The following FLRT2 variants were observed in gnomAD, a reference collection of about 807,000 sequenced individuals.
The protein encoded by FLRT2 is fibronectin leucine rich transmembrane protein 2.
In FLRT2, 15 loss-of-function variants were observed where a neutral mutation model predicts 40.0. That is an observed-to-expected ratio of 0.38 (90% CI 0.25 to 0.58). The LOEUF (loss-of-function observed/expected upper bound fraction) is 0.58. Among genes scored for constraint, FLRT2 ranks in the 20% least tolerant of loss-of-function variants. The pLI, the probability that FLRT2 is intolerant of heterozygous loss-of-function variation, is 0.71. For missense variants in FLRT2, 726 were observed against 840.0 expected (o/e 0.86, Z 1.68); for synonymous variants, 380 against 336.8 (o/e 1.13, Z -1.41).
rs1350309985 is a variant in FLRT2 at position 85,632,703 on chromosome 14, C to T, written c.*9206C>T. ...ACAGCATATATCATTTAAAGGTTCA[C>T]ATTGTGTTATCTTGGTTATTGCCAT... is the stretch of plus-strand genomic sequence containing the variant. On this transcript the variant is annotated 3_prime_UTR_variant, in exon 2 of 2. Coordinates refer to ENST00000330753, the MANE Select transcript of FLRT2 (RefSeq NM_013231.6). 1 of 152,008 alleles carries T rather than the reference C, an allele frequency of 6.6e-6. No individual in the cohort carries two copies. Among genetic ancestry groups the T allele is most frequent in the East Asian group, 1.9e-4 (1 of 5,178 alleles). The allele number at this position is 152,008 out of a possible 1,614,324, so 9.4% of individuals were successfully genotyped here.
intron 1 of FLRT2, among the ~76,000 whole-genome samples, chr14:85,544,704 A>G (rs1036267125): frequency 1.3e-5 from 2 of 152,212 alleles, no homozygotes; most frequent in Non-Finnish European, 2.9e-5. Flanking sequence ...CTAAATTTAT[A>G]TGGTTTAATG....
At position 85,643,355 on chromosome 14, in the gene FLRT2, C is replaced by CT; in HGVS notation, c.*19860dup. On this transcript the variant is annotated 3_prime_UTR_variant, in exon 2 of 2. Transcript: ENST00000330753. ...TCTTTCTTTCTTTCTTTCTTTCTTT[C>CT]TTCCTTCCTTCCTTCCTTCCTTTCT... The CT allele has an allele frequency of 5.0e-5, 5 of 100,728 alleles. No homozygotes were observed. The highest frequency in any genetic ancestry group is 2.0e-4 in the African/African-American group (5 of 24,988). The allele number at this position is 100,728 out of a possible 1,614,324, so 6.2% of individuals were successfully genotyped here. A position where few individuals can be genotyped will look rare whatever the true frequency, so the allele number is the denominator to read the frequency against.
In FLRT2 at chr14:85,650,925, T is replaced by C. The variant is rs1240557943; in HGVS notation, c.*27428T>C. On this transcript the variant is annotated 3_prime_UTR_variant, in exon 2 of 2. Coordinates refer to ENST00000330753, the MANE Select transcript of FLRT2 (RefSeq NM_013231.6). ...GCAGTAGCACGATCTTAGCTTACTG[T>C]AGACTCCAACTCCTGGGCTCAAGAG... 6.6e-6 allele frequency: 1 copy of C among 151,968 alleles called. No individual in the cohort carries two copies. Among genetic ancestry groups the C allele is most frequent in the Non-Finnish European group, 1.5e-5 (1 of 67,966 alleles). The allele number at this position is 151,968 out of a possible 1,614,324, so 9.4% of individuals were successfully genotyped here.
rs544881471 is a variant in FLRT2, at chr14:85,597,479, G to A, written c.-376-23660G>A. 2.0e-5 allele frequency among the ~76,000 whole-genome samples: 3 copies of A among 152,288 alleles called. No homozygotes were observed. The South Asian group carries it at 6.2e-4, about 32-fold the overall frequency. On this transcript the variant is annotated intron_variant, in intron 1 of 1. Transcript: ENST00000330753. ...TTACCAGCTAAATGGCAAAGTCTGT[G>A]AGCTTATTTTTTTCTTAAGTTGCTC...
At position 85,645,202 on chromosome 14, in the gene FLRT2, A is replaced by G. The variant is rs967934792; in HGVS notation, c.*21705A>G. ...TGTATACCTATATATATGTATACAT[A>G]TGTATATATGTACACATGTGTATAT... On this transcript the variant is annotated 3_prime_UTR_variant, in exon 2 of 2. Coordinates refer to ENST00000330753, the MANE Select transcript of FLRT2 (RefSeq NM_013231.6). The G allele has an allele frequency of 2.6e-5, 4 of 151,748 alleles. No homozygotes were observed. The highest frequency in any genetic ancestry group is 4.1e-4 in the South Asian group (2 of 4,826). The allele number at this position is 151,748 out of a possible 1,614,324, so 9.4% of individuals were successfully genotyped here. A position where few individuals can be genotyped will look rare whatever the true frequency, so the allele number is the denominator to read the frequency against.
chr14:85,645,188 A>G lies in FLRT2; in HGVS notation c.*21691A>G, dbSNP rs1022141462. 2.0e-5 allele frequency: 3 copies of G among 151,860 alleles called. No individual in the cohort carries two copies. The highest frequency in any genetic ancestry group is 1.9e-4 in the East Asian group (1 of 5,170). 9.4% of individuals were successfully genotyped at this position (151,860 alleles called of 1,614,324 possible). Reference sequence around the variant, plus strand: ...TGTGTGTATGTATATGTATACCTATATATATGTATACATATGTATATATGT... The same window carrying G: ...TGTGTGTATGTATATGTATACCTATGTATATGTATACATATGTATATATGT... On this transcript the variant is annotated 3_prime_UTR_variant, in exon 2 of 2. Coordinates refer to ENST00000330753, the MANE Select transcript of FLRT2 (RefSeq NM_013231.6).
At position 85,621,817 on chromosome 14, in the gene FLRT2, C is replaced by A; in HGVS notation, c.303C>A (p.Asp101Glu). 6.2e-7 allele frequency: 1 copy of A among 1,614,122 alleles called. No individual in the cohort carries two copies. Among genetic ancestry groups the A allele is most frequent in the Non-Finnish European group, 8.5e-7 (1 of 1,180,004 alleles). The change falls in exon 2 of 2, where the codon GAC becomes GAA. Residue 101 changes from aspartate to glutamate, a missense_variant. Physicochemically the swap from Asp to Glu is conservative, Grantham distance 45. Around this residue, in one of 3 missense-constraint regions of FLRT2, gnomAD observed 106 missense variants for 121.2 expected, o/e 0.87. Coordinates refer to ENST00000330753, the MANE Select transcript of FLRT2 (RefSeq NM_013231.6). ...HTVYLYGNQL[D>E]EFPMNLPKNV... ...TCTACCTGTATGGCAACCAACTGGA[C>A]GAATTCCCCATGAACCTTCCCAAGA...
intron 1 of FLRT2, among the ~76,000 whole-genome samples, chr14:85,539,629 G>A (rs1888867458): frequency 6.6e-6 from 1 of 152,166 alleles, no homozygotes; most frequent in African/African-American, 2.4e-5. Flanking sequence ...ATCTCCTGGA[G>A]ACTTAATTTC....
intron 1 of FLRT2, among the ~76,000 whole-genome samples, chr14:85,570,743 G>A (rs956314409): frequency 1.3e-5 from 2 of 151,548 alleles, no homozygotes; most frequent in Non-Finnish European, 2.9e-5. Flanking sequence ...CACCATGCCT[G>A]GCTAATTTTT....
chr14:85,562,089 T>G (rs1251776901), intron 1 of FLRT2, among the ~76,000 whole-genome samples: 12 of 152,354 alleles, frequency 7.9e-5, no homozygotes, highest in African/African-American at 2.4e-4. Flanking sequence ...CTAATACCAA[T>G]GCTTAGTGTT....
At chr14:85,574,685 A>G (rs763418592) in intron 1 of FLRT2, among the ~76,000 whole-genome samples, 1 of 152,220 alleles carries the variant, frequency 6.6e-6, no homozygotes, top group East Asian at 1.9e-4. Flanking sequence ...ATTTAACCAC[A>G]TGGCTCCTAT....
At chr14:85,606,667 G>C (rs1892630640) in intron 1 of FLRT2, among the ~76,000 whole-genome samples, 1 of 151,192 alleles carries the variant, frequency 6.6e-6, no homozygotes, top group Admixed American at 6.6e-5. Context: ...TTGGATTACA[G>C]GCACGCACCA....
intron 1 of FLRT2, among the ~76,000 whole-genome samples, chr14:85,540,173 T>C (rs1888904997): frequency 6.6e-6 from 1 of 151,872 alleles, no homozygotes; most frequent in Admixed American, 6.6e-5. Context: ...CACACACCAA[T>C]AGAAATACAA....
chr14:85,558,840 G>C (rs1890137246), intron 1 of FLRT2, among the ~76,000 whole-genome samples: 1 of 152,198 alleles, frequency 6.6e-6, no homozygotes, highest in African/African-American at 2.4e-5. Flanking sequence ...TGATTGCTCT[G>C]ATACTGCTAT....
At chr14:85,603,712 AC>A (rs61229549) in intron 1 of FLRT2, among the ~76,000 whole-genome samples, 24,785 of 152,024 alleles carry the variant, frequency 0.16, 2,555 homozygotes, top group East Asian at 0.54. Flanking sequence ...TACCAAAAAT[AC>A]AAAAATCTGC....
intron 1 of FLRT2, among the ~76,000 whole-genome samples, chr14:85,556,197 G>T (rs1889950310): frequency 6.6e-6 from 1 of 152,114 alleles, no homozygotes; most frequent in Non-Finnish European, 1.5e-5. Flanking sequence ...CAACTATATA[G>T]ATTTTGCGAG....
rs568179681 is a variant in FLRT2, at chr14:85,653,275, C to T, written c.*29778C>T. 2 of 152,204 alleles carry T rather than the reference C, an allele frequency of 1.3e-5. No homozygotes were observed. The highest frequency in any genetic ancestry group is 4.1e-4 in the South Asian group (2 of 4,822). 9.4% of individuals were successfully genotyped at this position (152,204 alleles called of 1,614,324 possible). ...CCCACAAAATAGCTTTGCTAGGGAACAGATGTAACTTGGAGAAGTACCAAT... is the reference window on the plus strand; with the variant it reads ...CCCACAAAATAGCTTTGCTAGGGAATAGATGTAACTTGGAGAAGTACCAAT... On this transcript the variant is annotated 3_prime_UTR_variant, in exon 2 of 2. Transcript: ENST00000330753.
At chr14:85,588,857 A>T (rs1891758665) in intron 1 of FLRT2, among the ~76,000 whole-genome samples, 1 of 152,176 alleles carries the variant, frequency 6.6e-6, no homozygotes, top group Non-Finnish European at 1.5e-5. Flanking sequence ...TCACAAACAA[A>T]TGAGAACATG....
chr14:85,641,008 C>T lies in FLRT2; in HGVS notation c.*17511C>T, dbSNP rs1894136486. 6.6e-6 allele frequency: 1 copy of T among 152,114 alleles called. No individual in the cohort carries two copies. Among genetic ancestry groups the T allele is most frequent in the Non-Finnish European group, 1.5e-5 (1 of 68,036 alleles). 9.4% of individuals were successfully genotyped at this position (152,114 alleles called of 1,614,324 possible). On this transcript the variant is annotated 3_prime_UTR_variant, in exon 2 of 2. Transcript: ENST00000330753. ...GGTATGAGTTAAAATGCATAGAAAG[C>T]ATGTACTACATCTAGTGCATTTCTC...
Sources: allele counts gnomAD v4.1 joint callset (sites outside exome capture counted in the v4.1 genomes callset), GRCh38; gene constraint gnomAD v4.1.1; regional missense constraint gnomAD v4.1.1; transcripts MANE v1.5; gene names NCBI Gene and HGNC (gene_info 2026-07-23, HGNC 2026-07-21).